PCDHA8: variants seen among roughly 807,000 people sequenced by gnomAD.
PCDHA8 encodes protocadherin alpha 8.
Under a neutral mutation model 61.8 loss-of-function variants are expected in PCDHA8, and 53 were observed. That is an observed-to-expected ratio of 0.86 (90% CI 0.69 to 1.08). PCDHA8 has a LOEUF of 1.08. Among genes scored for constraint, PCDHA8 ranks in the 50% least tolerant of loss-of-function variants. The pLI is 0.00. For missense variants in PCDHA8, 1,293 were observed against 1,245.0 expected (o/e 1.04, Z -0.58); for synonymous variants, 618 against 556.6 (o/e 1.11, Z -1.55).
chr5:140,900,127 T>A (rs528737566), intron 1 of PCDHA8, among the ~76,000 whole-genome samples: 2 of 152,328 alleles, frequency 1.3e-5, no homozygotes, highest in East Asian at 3.9e-4. Flanking sequence ...GATTTTTAGG[T>A]ACCACAAATA....
intron 1 of PCDHA8, chr5:140,967,531 T>C (rs1399482021): frequency 3.7e-6 from 6 of 1,613,104 alleles, no homozygotes; most frequent in Non-Finnish European, 4.2e-6. Context: ...ACAACTCTCC[T>C]GCCTTTGACC....
At chr5:140,969,232 C>G in intron 1 of PCDHA8, 1 of 1,614,066 alleles carries the variant, frequency 6.2e-7, no homozygotes, top group Non-Finnish European at 8.5e-7. Flanking sequence ...CTTCGGGAGC[C>G]CAAGCAGCAG....
chr5:140,841,900 G>A lies in PCDHA8; in HGVS notation c.579G>A (p.Glu193=). The change falls in exon 1 of 4, where the codon GAG becomes GAA. Residue 193 remains glutamate (E), a synonymous_variant. Coordinates refer to ENST00000531613, the MANE Select transcript of PCDHA8 (RefSeq NM_018911.3). ...AGAACGATGAGAATAAACTGGTTGA[G>A]CTCGTATTAAGAAAATCCTTGGACA... ...NSKNDENKLV[E]LVLRKSLDRE... is the part of the protein sequence containing the mutation. 4 of 1,613,856 alleles carry A rather than the reference G, an allele frequency of 2.5e-6. 1 individual carries two copies. Among genetic ancestry groups the A allele is most frequent in the Non-Finnish European group, 3.4e-6 (4 of 1,179,838 alleles).
At chr5:140,926,789 G>C in intron 1 of PCDHA8, 1 of 1,432,318 alleles carries the variant, frequency 7.0e-7, no homozygotes, top group Non-Finnish European at 9.1e-7. Context: ...CGGCCGGCAG[G>C]AGCGTGCTCT....
Position 140,843,167 on chromosome 5 carries a change from A to G in PCDHA8, c.1846A>G (p.Ser616Gly). ...TTCGTATGAGCTGCAGCCAGCTGCA[A>G]GCAGCCCTCGCATCCCGTTCCGCGT... ...WLSYELQPAA[S>G]SPRIPFRVGL... is the part of the protein sequence containing the mutation. The change falls in exon 1 of 4, where the codon AGC becomes GGC. Residue 616 changes from serine (S) to glycine (G), a missense_variant. Coordinates refer to ENST00000531613, the MANE Select transcript of PCDHA8 (RefSeq NM_018911.3). The G allele has an allele frequency of 6.3e-7, 1 of 1,596,098 alleles. No individual in the cohort carries two copies. The highest frequency in any genetic ancestry group is 8.6e-7 in the Non-Finnish European group (1 of 1,165,582).
At position 140,841,883 on chromosome 5, in the gene PCDHA8, G is replaced by T; in HGVS notation, c.562G>T (p.Glu188Ter). ...GCTAGATGTGAATTCAAAGAACGATGAGAATAAACTGGTTGAGCTCGTATT... is the reference window on the plus strand; with the variant it reads ...GCTAGATGTGAATTCAAAGAACGATTAGAATAAACTGGTTGAGCTCGTATT... ...FMLDVNSKNDENKLVELVLRK... is the reference protein window; with the variant it reads ...FMLDVNSKND Residue 188 changes from glutamate (E) to a stop codon, truncating the protein, a stop_gained, in exon 1 of 4, where the codon GAG becomes TAG. Coordinates refer to ENST00000531613, the MANE Select transcript of PCDHA8 (RefSeq NM_018911.3). LOFTEE classifies it high-confidence loss of function. 1 of 1,613,836 alleles carries T rather than the reference G, an allele frequency of 6.2e-7. No individual in the cohort carries two copies. Among genetic ancestry groups the T allele is most frequent in the East Asian group, 2.2e-5 (1 of 44,882 alleles).
At chr5:140,982,823 G>A (rs1187029355) in intron 3 of PCDHA8, among the ~76,000 whole-genome samples, 2 of 151,450 alleles carry the variant, frequency 1.3e-5, no homozygotes, top group South Asian at 2.1e-4. Context: ...GAAGTTTTTG[G>A]GGTTTGTTTG....
intron 1 of PCDHA8, chr5:140,866,274 A>G (rs1554160163): frequency 6.6e-6 from 1 of 152,156 alleles, no homozygotes; most frequent in African/African-American, 2.4e-5. Flanking sequence ...GTGAATAAAG[A>G]CAGTGTTTGG....
At position 140,879,699 on chromosome 5, in the gene PCDHA8, A is replaced by G. The variant is rs952913043; in HGVS notation, c.2394+35984A>G. Among the ~76,000 whole-genome samples the G allele has an allele frequency of 2.6e-5, 4 of 152,218 alleles. No individual in the cohort carries two copies. In the South Asian group the frequency reaches 8.3e-4, roughly 32 times the overall value. The stretch of plus-strand genomic sequence containing the variant: ...TGCTGTAAAACAGCAAAAGTTTATT[A>G]TTTCTCAGTATTGGAGACCAGAAGT... On this transcript the variant is annotated intron_variant, in intron 1 of 3. Coordinates refer to ENST00000531613, the MANE Select transcript of PCDHA8 (RefSeq NM_018911.3).
intron 1 of PCDHA8, among the ~76,000 whole-genome samples, chr5:140,921,353 A>T (rs943655623): frequency 6.6e-6 from 1 of 152,160 alleles, no homozygotes; most frequent in Non-Finnish European, 1.5e-5. Context: ...ATATTTGCCT[A>T]TATTCAAGTT....
At chr5:140,925,349 A>G (rs4912732) in intron 1 of PCDHA8, among the ~76,000 whole-genome samples, 5,885 of 152,152 alleles carry the variant, frequency 0.039, 171 homozygotes, top group Non-Finnish European at 0.058. Flanking sequence ...TTGAGTGAGG[A>G]ATTTAGTGCT....
At chr5:140,989,996 A>G (rs1554251207) in intron 3 of PCDHA8, among the ~76,000 whole-genome samples, 1 of 152,144 alleles carries the variant, frequency 6.6e-6, no homozygotes, top group Non-Finnish European at 1.5e-5. Context: ...GAAATTGTCT[A>G]TCTCCAAGGG....
rs782058857 is a variant in PCDHA8 at position 140,870,963 on chromosome 5, G to A, written c.2394+27248G>A. Reference sequence around the variant, plus strand: ...CGGCGGCGGGCGGCTCGCGCATCCCGTTCCGCGTGGGGCTGTACACGGGCG... The same window carrying A: ...CGGCGGCGGGCGGCTCGCGCATCCCATTCCGCGTGGGGCTGTACACGGGCG... On this transcript the variant is annotated intron_variant, in intron 1 of 3. Coordinates refer to ENST00000531613, the MANE Select transcript of PCDHA8 (RefSeq NM_018911.3). 1.4e-5 allele frequency: 22 copies of A among 1,613,504 alleles called. 1 individual carries two copies. The highest frequency in any genetic ancestry group is 1.9e-5 in the Non-Finnish European group (22 of 1,179,890).
intron 1 of PCDHA8, chr5:140,876,450 G>T (rs2153340874): frequency 6.2e-7 from 1 of 1,614,012 alleles, no homozygotes; most frequent in Non-Finnish European, 8.5e-7. Context: ...TTGATAAAGG[G>T]ATTCCTTCCA....
chr5:140,903,180 T>C (rs149488870), intron 1 of PCDHA8, among the ~76,000 whole-genome samples: 1,613 of 152,324 alleles, frequency 0.011, 17 homozygotes, highest in African/African-American at 0.028. Context: ...TTCCCACCAA[T>C]AGTATAAAAG....
At chr5:140,999,620 G>A (rs184259991) in intron 3 of PCDHA8, among the ~76,000 whole-genome samples, 6 of 152,262 alleles carry the variant, frequency 3.9e-5, no homozygotes, top group African/African-American at 1.2e-4. Flanking sequence ...TATCAACCAG[G>A]AAACAAGGTA....
chr5:140,980,562 G>A (rs944389305), intron 2 of PCDHA8, among the ~76,000 whole-genome samples: 2 of 152,048 alleles, frequency 1.3e-5, no homozygotes, highest in Non-Finnish European at 2.9e-5. Context: ...CCCGGGAGGC[G>A]GAAGTTGCAG....
chr5:140,928,539 T>G, intron 1 of PCDHA8: 1 of 1,614,222 alleles, frequency 6.2e-7, no homozygotes. Context: ...TAGATAGGAA[T>G]GACAATTATC....
intron 1 of PCDHA8, among the ~76,000 whole-genome samples, chr5:140,888,467 A>C (rs562447782): frequency 7.2e-5 from 11 of 152,334 alleles, no homozygotes; most frequent in African/African-American, 2.6e-4. Flanking sequence ...TCAAAATGTC[A>C]GTAGTTCCAC....
Sources: gnomAD v4.1 joint callset for allele counts (sites outside exome capture counted in the v4.1 genomes callset) on GRCh38, gnomAD v4.1.1 for gene constraint, MANE v1.5 for transcripts, NCBI Gene and HGNC (gene_info 2026-07-23, HGNC 2026-07-21) for gene names.